The following GSTCD variants were observed in gnomAD, a reference collection of about 807,000 sequenced individuals.
GSTCD encodes glutathione S-transferase C-terminal domain containing.
Under a neutral mutation model 68.3 loss-of-function variants are expected in GSTCD, and 44 were observed. The ratio of observed to expected loss-of-function variants is 0.64; its 90% confidence interval spans 0.51 to 0.83. The LOEUF is 0.83. Among genes scored for constraint, GSTCD ranks in the 40% least tolerant of loss-of-function variants. The pLI is 0.00. For missense variants in GSTCD, 739 were observed against 735.9 expected, an observed-to-expected ratio of 1.00 and a Z score of -0.05; for synonymous variants, 273 against 255.2, an observed-to-expected ratio of 1.07 and a Z score of -0.67.
chr4:105,757,628 T>C (rs769174068), intron 5 of GSTCD, among the ~76,000 whole-genome samples: 5 of 152,210 alleles, frequency 3.3e-5, no homozygotes, highest in Non-Finnish European at 5.9e-5. Context: ...TTGTGTTATA[T>C]AGGTTCTTGC....
At chr4:105,834,720 T>C in intron 9 of GSTCD, 126 bp downstream of exon 9, 1 of 744,188 alleles carries the variant, frequency 1.3e-6, no homozygotes. Context: ...TGCCAAATAT[T>C]GTTTGTAAAT....
intron 5 of GSTCD, among the ~76,000 whole-genome samples, chr4:105,806,315 G>T (rs921913315): frequency 6.6e-6 from 1 of 152,034 alleles, no homozygotes; most frequent in Non-Finnish European, 1.5e-5. Flanking sequence ...GGAAAATGGA[G>T]GACAAATGCA....
chr4:105,717,778 G>A lies in GSTCD; in HGVS notation c.165G>A (p.Glu55=), dbSNP rs1433019573. The part of the protein sequence containing the change: ...IFKICLVVTK[E]VSRDSSLLRD... ...AAATTTGCTTAGTTGTCACCAAAGA[G>A]GTGAGTAGAGATAGTTCACTACTAA... The change falls in exon 2 of 12, where the codon GAG becomes GAA. Residue 55 remains glutamate, a synonymous_variant. Coordinates refer to ENST00000515279, the MANE Select transcript of GSTCD (RefSeq NM_001370181.1). 1 of 1,613,882 alleles carries A rather than the reference G, an allele frequency of 6.2e-7. No individual in the cohort carries two copies. Among genetic ancestry groups the A allele is most frequent in the Non-Finnish European group, 8.5e-7 (1 of 1,179,810 alleles).
intron 3 of GSTCD, among the ~76,000 whole-genome samples, chr4:105,721,420 A>G (rs564724006): frequency 6.6e-6 from 1 of 152,328 alleles, no homozygotes; most frequent in East Asian, 1.9e-4. Flanking sequence ...CAAGTTCAAC[A>G]TCCGTAATCA....
intron 11 of GSTCD, among the ~76,000 whole-genome samples, chr4:105,844,529 C>A (rs923211795): frequency 1.2e-4 from 18 of 152,106 alleles, no homozygotes; most frequent in African/African-American, 4.3e-4. Context: ...TTTTGGTGAT[C>A]TGTCTTCATT....
intron 8 of GSTCD, among the ~76,000 whole-genome samples, chr4:105,827,455 T>G (rs1228946074): frequency 6.6e-6 from 1 of 152,178 alleles, no homozygotes; most frequent in Admixed American, 6.5e-5. Context: ...TGACTTTTTT[T>G]CCTTTCATAA....
intron 10 of GSTCD, among the ~76,000 whole-genome samples, chr4:105,841,529 A>C (rs377158029): frequency 7.2e-5 from 11 of 152,112 alleles, no homozygotes; most frequent in Non-Finnish European, 2.9e-5. Context: ...CTGTGCATCT[A>C]TTCTTAAGAG....
intron 5 of GSTCD, among the ~76,000 whole-genome samples, chr4:105,779,937 T>C (rs1389655454): frequency 6.6e-6 from 1 of 152,230 alleles, no homozygotes; most frequent in Non-Finnish European, 1.5e-5. Flanking sequence ...GAAAGATATA[T>C]GATACTCAGA....
At chr4:105,839,615 C>T (rs1354388537) in intron 10 of GSTCD, among the ~76,000 whole-genome samples, 4 of 151,014 alleles carry the variant, frequency 2.6e-5, no homozygotes, top group South Asian at 2.1e-4. Flanking sequence ...CATTTCAGCC[C>T]GGGTGAGAGA....
intron 5 of GSTCD, among the ~76,000 whole-genome samples, chr4:105,752,522 A>G (rs978816823): frequency 6.6e-6 from 1 of 152,148 alleles, no homozygotes; most frequent in African/African-American, 2.4e-5. Context: ...CTATGTGATC[A>G]TACAAATTTA....
chr4:105,840,967 C>G (rs1439587837), intron 10 of GSTCD, among the ~76,000 whole-genome samples: 4 of 152,096 alleles, frequency 2.6e-5, no homozygotes, highest in Non-Finnish European at 5.9e-5. Context: ...TCCCAGAAAA[C>G]TACAGAAGCC....
At chr4:105,729,672 T>G (rs542407671) in intron 5 of GSTCD, among the ~76,000 whole-genome samples, 173 bp downstream of exon 5, 23 of 152,310 alleles carry the variant, frequency 1.5e-4, no homozygotes, top group Admixed American at 9.8e-4. Flanking sequence ...CCACTTAGAT[T>G]TAATATTTCT....
chr4:105,824,601 C>G (rs1337803393), intron 7 of GSTCD, among the ~76,000 whole-genome samples: 1 of 152,058 alleles, frequency 6.6e-6, no homozygotes, highest in Non-Finnish European at 1.5e-5. Flanking sequence ...TTTTTCCATT[C>G]AAACCATCTT....
chr4:105,754,920 C>G (rs1393486127), intron 5 of GSTCD, among the ~76,000 whole-genome samples: 1 of 151,682 alleles, frequency 6.6e-6, no homozygotes, highest in African/African-American at 2.4e-5. Flanking sequence ...CAGAAAATGA[C>G]TTAGAAAGTT....
chr4:105,786,732 T>A (rs902606589), intron 5 of GSTCD, among the ~76,000 whole-genome samples: 1 of 152,080 alleles, frequency 6.6e-6, no homozygotes, highest in African/African-American at 2.4e-5. Flanking sequence ...ACTAAGCACA[T>A]GAATATATGC....
chr4:105,791,553 C>T (rs1304963013), intron 5 of GSTCD, among the ~76,000 whole-genome samples: 3 of 152,170 alleles, frequency 2.0e-5, no homozygotes, highest in Admixed American at 6.5e-5. Flanking sequence ...AATGTGCCTC[C>T]AGCATCGTAA....
intron 3 of GSTCD, among the ~76,000 whole-genome samples, chr4:105,722,950 C>A (rs1010513182): frequency 6.6e-6 from 1 of 151,798 alleles, no homozygotes; most frequent in African/African-American, 2.4e-5. Flanking sequence ...GGTTCAGTAC[C>A]TTCTGAGCTA....
At chr4:105,713,812 T>G (rs1732607703) in intron 1 of GSTCD, among the ~76,000 whole-genome samples, 1 of 151,652 alleles carries the variant, frequency 6.6e-6, no homozygotes, top group Non-Finnish European at 1.5e-5. Context: ...TTATGCACTT[T>G]TTGGTCTTCA....
intron 1 of GSTCD, among the ~76,000 whole-genome samples, chr4:105,709,528 A>G (rs1481279724): frequency 6.6e-6 from 1 of 152,216 alleles, no homozygotes; most frequent in Non-Finnish European, 1.5e-5. Context: ...TCATCACAGC[A>G]GTATCTCTTG....
Sources: allele counts gnomAD v4.1 joint callset (sites outside exome capture counted in the v4.1 genomes callset), GRCh38; gene constraint gnomAD v4.1.1; transcripts MANE v1.5; gene names NCBI Gene and HGNC (gene_info 2026-07-23, HGNC 2026-07-21).